BRINP1: variants seen among roughly 807,000 people sequenced by gnomAD.
BRINP1 encodes the protein BMP/retinoic acid-inducible neural-specific protein 1.
A neutral mutation model predicts 72.9 loss-of-function variants in BRINP1; 17 were observed. The observed-to-expected ratio is 0.23, with a 90% confidence interval of 0.16 to 0.35. The LOEUF is 0.35. Ranked by LOEUF, BRINP1 falls within the 10% of genes least tolerant of loss-of-function variation. BRINP1 has a pLI of 1.00. For missense variants in BRINP1, 850 were observed against 1,001.6 expected, an observed-to-expected ratio of 0.85 and a Z score of 2.04; for synonymous variants, 418 against 378.5, an observed-to-expected ratio of 1.10 and a Z score of -1.21.
At chr9:119,282,614 A>G (rs1350516083) in intron 2 of BRINP1, among the ~76,000 whole-genome samples, 1 of 152,230 alleles carries the variant, frequency 6.6e-6, no homozygotes, top group East Asian at 1.9e-4. Context: ...ATGAAAAGTA[A>G]GCCCATCTCC....
intron 6 of BRINP1, chr9:119,213,471 T>G (rs570939420): frequency 7.2e-4 from 133 of 185,882 alleles, no homozygotes; most frequent in Admixed American, 1.0e-3. Context: ...TCTATATCTC[T>G]ATGCATATGC....
intron 7 of BRINP1, among the ~76,000 whole-genome samples, chr9:119,182,747 T>C (rs191259472): frequency 4.3e-4 from 66 of 152,340 alleles, no homozygotes; most frequent in Admixed American, 1.2e-3. Context: ...TATGTGCTCC[T>C]CAGTCTTTGT....
At chr9:119,291,266 G>T (rs1830819862) in intron 2 of BRINP1, among the ~76,000 whole-genome samples, 1 of 152,198 alleles carries the variant, frequency 6.6e-6, no homozygotes, top group Non-Finnish European at 1.5e-5. Context: ...CCGTTGTGCA[G>T]TAGACAAACT....
intron 1 of BRINP1, among the ~76,000 whole-genome samples, chr9:119,331,232 C>G (rs1010383478): frequency 5.3e-5 from 8 of 152,070 alleles, no homozygotes; most frequent in African/African-American, 1.9e-4. Context: ...GGAAGAGAAG[C>G]TGGAGGGTTG....
At chr9:119,347,168 T>A (rs1232940013) in intron 1 of BRINP1, among the ~76,000 whole-genome samples, 1 of 152,182 alleles carries the variant, frequency 6.6e-6, no homozygotes, top group Non-Finnish European at 1.5e-5. Context: ...GAGATTTTTT[T>A]ACCCTCAAGA....
intron 5 of BRINP1, among the ~76,000 whole-genome samples, chr9:119,231,455 A>G (rs889226577): frequency 1.1e-4 from 16 of 152,096 alleles, no homozygotes; most frequent in Non-Finnish European, 1.6e-4. Flanking sequence ...TGTTGCTTCT[A>G]TATTAAAAAG....
chr9:119,354,918 G>T (rs1028755413), intron 1 of BRINP1, among the ~76,000 whole-genome samples: 2 of 152,202 alleles, frequency 1.3e-5, no homozygotes, highest in African/African-American at 4.8e-5. Context: ...AGTTTTTATA[G>T]GCATTATTGT....
At chr9:119,238,379 T>A (rs1830212248) in intron 5 of BRINP1, among the ~76,000 whole-genome samples, 1 of 150,568 alleles carries the variant, frequency 6.6e-6, no homozygotes, top group African/African-American at 2.4e-5. Context: ...TGTAGATATT[T>A]ATAAATACAA....
intron 7 of BRINP1, among the ~76,000 whole-genome samples, chr9:119,170,530 G>A (rs1281571891): frequency 1.3e-5 from 2 of 152,154 alleles, no homozygotes; most frequent in Middle Eastern, 3.2e-3. Flanking sequence ...GTGATGGGGA[G>A]AATGGAAACA....
At chr9:119,286,321 C>T (rs1294737210) in intron 2 of BRINP1, among the ~76,000 whole-genome samples, 2 of 152,036 alleles carry the variant, frequency 1.3e-5, no homozygotes, top group Non-Finnish European at 2.9e-5. Flanking sequence ...CAACCTCTAC[C>T]TCCTGGGTTC....
intron 2 of BRINP1, among the ~76,000 whole-genome samples, chr9:119,269,623 A>G (rs1363673672): frequency 6.6e-6 from 1 of 152,222 alleles, no homozygotes; most frequent in African/African-American, 2.4e-5. Context: ...CTTATGTGGT[A>G]GAGATTTTTA....
At chr9:119,195,959 T>A (rs1237382840) in intron 7 of BRINP1, among the ~76,000 whole-genome samples, 1 of 152,186 alleles carries the variant, frequency 6.6e-6, no homozygotes, top group East Asian at 1.9e-4. Context: ...TATGGCCAAA[T>A]AAATTTGAAA....
intron 1 of BRINP1, among the ~76,000 whole-genome samples, chr9:119,341,109 A>G (rs1014993414): frequency 6.6e-6 from 1 of 152,134 alleles, no homozygotes; most frequent in African/African-American, 2.4e-5. Flanking sequence ...CAACAAGTCT[A>G]CTACTGTCAA....
At position 119,213,911 on chromosome 9, in the gene BRINP1, C is replaced by T; in HGVS notation, c.922+8G>A. The T allele has an allele frequency of 1.9e-6, 3 of 1,611,300 alleles. No homozygotes were observed. Among genetic ancestry groups the T allele is most frequent in the Non-Finnish European group, 2.5e-6 (3 of 1,177,450 alleles). ...ACTCATGCAGTGGCACTGAGTGAGA[C>T]TCTCTACCTGAATTCTCCAGGTCCT... On this transcript the variant is annotated splice_region_variant and intron_variant, in intron 6 of 7. Coordinates refer to ENST00000265922, the MANE Select transcript of BRINP1 (RefSeq NM_014618.3).
At chr9:119,334,261 T>C (rs1490807929) in intron 1 of BRINP1, among the ~76,000 whole-genome samples, 2 of 152,182 alleles carry the variant, frequency 1.3e-5, no homozygotes, top group Admixed American at 6.5e-5. Flanking sequence ...GGGCCAATCA[T>C]GCCAACCAGC....
intron 7 of BRINP1, among the ~76,000 whole-genome samples, chr9:119,183,623 A>ATACTT (rs1211661747): frequency 1.3e-5 from 2 of 152,206 alleles, no homozygotes; most frequent in African/African-American, 2.4e-5. Context: ...TACGTATGTA[A>ATACTT]TACTTTAGTA....
chr9:119,253,978 T>C (rs1830420091), intron 2 of BRINP1, among the ~76,000 whole-genome samples: 1 of 152,180 alleles, frequency 6.6e-6, no homozygotes, highest in Non-Finnish European at 1.5e-5. Context: ...GAGCAAAGAC[T>C]GTAATAATCA....
At chr9:119,346,791 T>C (rs1831457216) in intron 1 of BRINP1, among the ~76,000 whole-genome samples, 1 of 152,240 alleles carries the variant, frequency 6.6e-6, no homozygotes, top group Non-Finnish European at 1.5e-5. Flanking sequence ...GAACTTAAAA[T>C]GCTACCAAAA....
intron 1 of BRINP1, among the ~76,000 whole-genome samples, chr9:119,318,860 T>G (rs1370044235): frequency 6.6e-6 from 1 of 151,462 alleles, no homozygotes; most frequent in African/African-American, 2.4e-5. Context: ...TGTGTGTGTG[T>G]GTGTGTGTGT....
Sources: allele counts gnomAD v4.1 joint callset (sites outside exome capture counted in the v4.1 genomes callset), GRCh38; gene constraint gnomAD v4.1.1; transcripts MANE v1.5; gene names NCBI Gene and HGNC (gene_info 2026-07-23, HGNC 2026-07-21).